The following ZC3H13 variants were observed in gnomAD, a reference collection of about 807,000 sequenced individuals.
ZC3H13 encodes zinc finger CCCH domain-containing protein 13.
A neutral mutation model predicts 204.1 loss-of-function variants in ZC3H13; 64 were observed. The ratio of observed to expected loss-of-function variants is 0.31; its 90% CI spans 0.26 to 0.39. The LOEUF is 0.39. Among genes scored for constraint, ZC3H13 ranks in the 10% least tolerant of loss-of-function variants. ZC3H13 has a pLI of 1.00. For missense variants in ZC3H13, 1,833 were observed against 2,082.7 expected, an observed-to-expected ratio of 0.88 and a Z score of 2.33; for synonymous variants, 667 against 693.7, an observed-to-expected ratio of 0.96 and a Z score of 0.60.
chr13:46,051,564 A>G (rs2044421711), intron 1 of ZC3H13, among the ~76,000 whole-genome samples: 1 of 152,208 alleles, frequency 6.6e-6, no homozygotes, highest in East Asian at 1.9e-4. Flanking sequence ...GGCACCATAT[A>G]CCCATAGACT....
chr13:46,036,380 A>G (rs921260163), intron 4 of ZC3H13, among the ~76,000 whole-genome samples: 1 of 152,218 alleles, frequency 6.6e-6, no homozygotes, highest in South Asian at 2.1e-4. Flanking sequence ...GAATTGAAAA[A>G]GTAATTTGAG....
chr13:45,977,833 G>T (rs773461701), intron 11 of ZC3H13, among the ~76,000 whole-genome samples: 1 of 152,060 alleles, frequency 6.6e-6, no homozygotes, highest in Non-Finnish European at 1.5e-5. Context: ...TTTAAAAGTA[G>T]TTATCTTGTA....
intron 8 of ZC3H13, among the ~76,000 whole-genome samples, chr13:45,994,325 G>C (rs2040180731): frequency 6.6e-6 from 1 of 152,172 alleles, no homozygotes; most frequent in African/African-American, 2.4e-5. Context: ...GGAGTCAAAA[G>C]TTATACAAGG....
chr13:45,957,110 C>A lies in ZC3H13; in HGVS notation c.*17G>T. 6.9e-7 allele frequency: 1 copy of A among 1,445,608 alleles called. No homozygotes were observed. The allele number at this position is 1,445,608 out of a possible 1,614,324, so 89.5% of individuals were successfully genotyped here. ...TGAAGGAAGACAGTACCAAAAATAC[C>A]ATATTGAACTTCGGTCTTAAGACAC... is the stretch of plus-strand genomic sequence containing the variant. On this transcript the variant is annotated 3_prime_UTR_variant, in exon 19 of 19. Coordinates refer to ENST00000679008, the MANE Select transcript of ZC3H13 (RefSeq NM_001330564.2).
At chr13:45,983,889 G>T (rs1224281426) in intron 10 of ZC3H13, among the ~76,000 whole-genome samples, 1 of 152,118 alleles carries the variant, frequency 6.6e-6, no homozygotes, top group Non-Finnish European at 1.5e-5. Flanking sequence ...TTAAATGTAA[G>T]ATTAATACAC....
intron 8 of ZC3H13, among the ~76,000 whole-genome samples, chr13:45,996,701 A>T (rs1479156077): frequency 6.6e-6 from 1 of 151,818 alleles, no homozygotes; most frequent in Non-Finnish European, 1.5e-5. Flanking sequence ...TTACTTAATA[A>T]TGACCCAAAG....
At chr13:45,974,857 T>A (rs1952885886) in intron 12 of ZC3H13, among the ~76,000 whole-genome samples, 1 of 149,508 alleles carries the variant, frequency 6.7e-6, no homozygotes, top group Non-Finnish European at 1.5e-5. Context: ...TGAAAAAACT[T>A]TTTTTTTTTT....
chr13:46,045,575 C>A (rs2043891910), intron 1 of ZC3H13, 59 bp from the exon 2 acceptor site: 3 of 1,158,090 alleles, frequency 2.6e-6, no homozygotes, highest in Non-Finnish European at 3.9e-6. Context: ...AATAACTGAG[C>A]CCACAGCTTA....
rs149763031 is a variant in ZC3H13 at position 45,971,718 on chromosome 13, C to A, written c.2469-1253G>T. On this transcript the variant is annotated intron_variant, in intron 12 of 18. Coordinates refer to ENST00000679008, the MANE Select transcript of ZC3H13 (RefSeq NM_001330564.2). ...AGCAAAATAAATAACAAAGACAACCCATAGAATGGGAGAAAATGTTTGCAA... is the reference window on the plus strand; with the variant it reads ...AGCAAAATAAATAACAAAGACAACCAATAGAATGGGAGAAAATGTTTGCAA... Among the ~76,000 whole-genome samples, 30 of 152,050 alleles carry A rather than the reference C, an allele frequency of 2.0e-4. No homozygotes were observed. In the East Asian group the frequency reaches 4.1e-3, roughly 21 times the overall value.
chr13:45,975,444 C>CTCTCGCTCTCTCTCCCGT lies in ZC3H13; in HGVS notation c.2289_2306dup (p.Glu771_Arg776dup), dbSNP rs565588902. The CTCTCGCTCTCTCTCCCGT allele has an allele frequency of 5.3e-5, 86 of 1,613,108 alleles. No homozygotes were observed. The highest frequency in any genetic ancestry group is 3.3e-4 in the Middle Eastern group (2 of 6,082). On this transcript the variant is annotated inframe_insertion, in exon 12 of 19. Coordinates refer to ENST00000679008, the MANE Select transcript of ZC3H13 (RefSeq NM_001330564.2). Reference sequence around the variant, plus strand: ...TCGCTCTTTCTCGTTCCCGTTCTCGCTCTCGCTCTCTCTCCCGTTCTCGCT... The same window carrying CTCTCGCTCTCTCTCCCGT: ...TCGCTCTTTCTCGTTCCCGTTCTCGCTCTCGCTCTCTCTCCCGTTCTCGCTCTCTCTCCCGTTCTCGCT...
intron 1 of ZC3H13, chr13:46,051,987 C>G (rs1263446296): frequency 3.6e-5 from 2 of 55,290 alleles, no homozygotes; most frequent in Non-Finnish European, 6.4e-5. Flanking sequence ...ATCGTTATCA[C>G]TGCTGAGGGA....
At chr13:45,985,274 C>A (rs375268364) in intron 10 of ZC3H13, 23 bp downstream of exon 10, 2 of 1,579,866 alleles carry the variant, frequency 1.3e-6, no homozygotes, top group Admixed American at 1.8e-5. Context: ...AGATATAGTT[C>A]ATAGACAAGT....
chr13:45,998,362 C>T (rs2040490969), intron 8 of ZC3H13, among the ~76,000 whole-genome samples: 1 of 152,018 alleles, frequency 6.6e-6, no homozygotes, highest in African/African-American at 2.4e-5. Flanking sequence ...TAAAAAAGTA[C>T]AGGCCGGGCG....
chr13:45,974,864 T>G (rs1952886514), intron 12 of ZC3H13, among the ~76,000 whole-genome samples: 1 of 152,066 alleles, frequency 6.6e-6, no homozygotes, highest in African/African-American at 2.4e-5. Flanking sequence ...ACTTTTTTTT[T>G]TTTTCCTGAG....
intron 4 of ZC3H13, among the ~76,000 whole-genome samples, chr13:46,029,175 C>T (rs1056389615): frequency 3.3e-5 from 5 of 152,130 alleles, no homozygotes; most frequent in African/African-American, 9.7e-5. Context: ...CTATGAACAA[C>T]TCATGAATAC....
intron 5 of ZC3H13, among the ~76,000 whole-genome samples, chr13:46,013,807 A>G (rs1198083640): frequency 6.6e-6 from 1 of 152,222 alleles, no homozygotes; most frequent in Non-Finnish European, 1.5e-5. Context: ...GGTATATTTA[A>G]CAAGGTAGAT....
rs553891698 is a variant in ZC3H13, at chr13:45,985,571, C to T, written c.1446G>A (p.Met482Ile). ...CTTTGGTATCTCTGCTATAATCTCTCATCTCCCTTGAGTCCCGCATGTCTC... is the reference window on the plus strand; with the variant it reads ...CTTTGGTATCTCTGCTATAATCTCTTATCTCCCTTGAGTCCCGCATGTCTC... ...DSRDMRDSRE[M>I]RDYSRDTKES... is the part of the protein sequence containing the mutation. The change falls in exon 10 of 19, where the codon ATG becomes ATA. Residue 482 changes from methionine (M) to isoleucine (I), a missense_variant. Met to Ile is a conservative substitution (Grantham distance 10). Around this residue, in one of 5 missense-constraint regions of ZC3H13, gnomAD observed 1,574 missense variants for 1,757.2 expected, o/e 0.90. Transcript: ENST00000679008. The T allele has an allele frequency of 2.3e-5, 37 of 1,614,126 alleles. No homozygotes were observed. The South Asian group carries it at 3.6e-4, about 16-fold the overall frequency.
intron 6 of ZC3H13, 73 bp from the exon 7 acceptor site, chr13:46,010,578 A>G: frequency 2.7e-6 from 4 of 1,463,382 alleles, no homozygotes; most frequent in Non-Finnish European, 3.7e-6. Context: ...AGTATTTTAG[A>G]ATCACACCAA....
chr13:45,959,570 A>C lies in ZC3H13; in HGVS notation c.4752T>G (p.Ser1584Arg), dbSNP rs1378318193. The part of the protein sequence containing the change: ...AALLRKEERA[S>R]LLSNLGPCCK... ...AACATGGGCCAAGATTACTAAGAAG[A>C]CTTGCTCTTTCTTCTTTTCGTAGTA... The change falls in exon 18 of 19, where the codon AGT (serine) becomes AGG (arginine). Residue 1584 changes from serine to arginine, a missense_variant. Transcript: ENST00000679008. 1 of 1,549,546 alleles carries C rather than the reference A, an allele frequency of 6.5e-7. No homozygotes were observed. The highest frequency in any genetic ancestry group is 8.7e-7 in the Non-Finnish European group (1 of 1,146,542).
Sources: gnomAD v4.1 joint callset for allele counts (sites outside exome capture counted in the v4.1 genomes callset) on GRCh38, gnomAD v4.1.1 for gene constraint, gnomAD v4.1.1 regional missense constraint, MANE v1.5 for transcripts, NCBI Gene and HGNC (gene_info 2026-07-23, HGNC 2026-07-21) for gene names.